Variants in COPS2 observed in about 807,000 individuals in gnomAD.
COPS2 encodes the protein COP9 signalosome complex subunit 2.
In COPS2, 10 loss-of-function variants were observed where a neutral mutation model predicts 66.1. That is an observed-to-expected ratio of 0.15 (90% CI 0.09 to 0.26). The LOEUF is 0.26. Among genes scored for constraint, COPS2 ranks in the 10% least tolerant of loss-of-function variants. The probability of loss-of-function intolerance (pLI) is 1.00; values close to 1 mark genes in which losing one functional copy is unlikely to be tolerated. For synonymous variants in COPS2, 179 were observed against 171.3 expected, an observed-to-expected ratio of 1.04 and a Z score of -0.35; for missense variants, 215 against 513.3, an observed-to-expected ratio of 0.42 and a Z score of 5.62.
In COPS2 at chr15:49,155,593, G is replaced by A. The variant is rs2084423944; in HGVS notation, c.-15C>T. 2 of 1,613,730 alleles carry A rather than the reference G, an allele frequency of 1.2e-6. No homozygotes were observed. The highest frequency in any genetic ancestry group is 1.3e-5 in the African/African-American group (1 of 75,046). ...ATGTCAGACATCTTGGCCGGGAGGG[G>A]GAGGAGAAATTGGAGACAACCTCCT... is the stretch of plus-strand genomic sequence containing the variant. On this transcript the variant is annotated 5_prime_UTR_variant, in exon 1 of 13. Transcript: ENST00000388901.
chr15:49,134,035 C>T lies in COPS2; in HGVS notation c.789G>A (p.Lys263=), dbSNP rs372907163. The T allele has an allele frequency of 1.6e-5, 26 of 1,613,718 alleles. No homozygotes were observed. The highest frequency in any genetic ancestry group is 2.7e-5 in the African/African-American group (2 of 74,908). ...KAHTDFFEAF[K]NYDESGSPRR... ...TTGGACTTCCAGATTCATCATAATT[C>T]TTGAAGGCTTCAAAAAAATCAGTGT... is the stretch of plus-strand genomic sequence containing the variant. Residue 263 remains lysine, a synonymous_variant, in exon 8 of 13, where the codon AAG becomes AAA. Transcript: ENST00000388901.
intron 3 of COPS2, among the ~76,000 whole-genome samples, chr15:49,141,618 C>T (rs865898059): frequency 2.6e-5 from 4 of 152,062 alleles, no homozygotes; most frequent in Non-Finnish European, 5.9e-5. Context: ...GTAAATTGGT[C>T]CCAGAGAAGT....
intron 1 of COPS2, among the ~76,000 whole-genome samples, chr15:49,148,121 TGAA>T (rs1326959463): frequency 6.6e-6 from 1 of 152,204 alleles, no homozygotes; most frequent in East Asian, 1.9e-4. Context: ...ACTCATGTTT[TGAA>T]GTCTTTGGAA....
chr15:49,154,250 G>T (rs2084389311), intron 1 of COPS2, among the ~76,000 whole-genome samples: 1 of 152,020 alleles, frequency 6.6e-6, no homozygotes, highest in African/African-American at 2.4e-5. Context: ...AGTAAAAATG[G>T]ACAGATACAT....
intron 1 of COPS2, among the ~76,000 whole-genome samples, chr15:49,153,871 G>A (rs1393172264): frequency 6.6e-6 from 1 of 152,128 alleles, no homozygotes; most frequent in Non-Finnish European, 1.5e-5. Context: ...ATGATAGGAA[G>A]GGTGTTGTGG....
Position 49,124,497 on chromosome 15 carries a change from A to C in COPS2, c.*3453T>G, listed in dbSNP as rs2084149530. ...AAAGAAAACCTCCAGAAAAAGAAAAAAAGAGGAAAATTTTAATTGTGGTCA... is the reference window on the plus strand; with the variant it reads ...AAAGAAAACCTCCAGAAAAAGAAAACAAGAGGAAAATTTTAATTGTGGTCA... On this transcript the variant is annotated 3_prime_UTR_variant, in exon 13 of 13. Coordinates refer to ENST00000388901, the MANE Select transcript of COPS2 (RefSeq NM_004236.4). 1 of 152,150 alleles carries C rather than the reference A, an allele frequency of 6.6e-6. No individual in the cohort carries two copies. Among genetic ancestry groups the C allele is most frequent in the Admixed American group, 6.5e-5 (1 of 15,274 alleles). 9.4% of individuals were successfully genotyped at this position (152,150 alleles called of 1,614,324 possible). A position where few individuals can be genotyped will look rare whatever the true frequency, so the allele number is the denominator to read the frequency against.
chr15:49,153,252 C>T (rs1165619571), intron 1 of COPS2, among the ~76,000 whole-genome samples: 1 of 151,766 alleles, frequency 6.6e-6, no homozygotes, highest in East Asian at 1.9e-4. Flanking sequence ...ACAGCAAAAT[C>T]CCATCTCTAA....
chr15:49,155,588 G>A lies in COPS2; in HGVS notation c.-10C>T, dbSNP rs576328029. ...CCTCCATGTCAGACATCTTGGCCGGGAGGGGGAGGAGAAATTGGAGACAAC... is the reference window on the plus strand; with the variant it reads ...CCTCCATGTCAGACATCTTGGCCGGAAGGGGGAGGAGAAATTGGAGACAAC... On this transcript the variant is annotated 5_prime_UTR_variant, in exon 1 of 13. Transcript: ENST00000388901. 1.2e-6 allele frequency: 2 copies of A among 1,613,954 alleles called. No individual in the cohort carries two copies. Among genetic ancestry groups the A allele is most frequent in the Non-Finnish European group, 8.5e-7 (1 of 1,179,850 alleles).
intron 3 of COPS2, among the ~76,000 whole-genome samples, chr15:49,142,914 A>G (rs1471722821): frequency 1.3e-5 from 2 of 151,592 alleles, no homozygotes; most frequent in Admixed American, 1.3e-4. Context: ...GGAGCTTACA[A>G]TTTACTTGGG....
Position 49,155,540 on chromosome 15 carries a change from C to T in COPS2, c.39G>A (p.Glu13=), listed in dbSNP as rs761285117. Residue 13 remains glutamate (E), a synonymous_variant, in exon 1 of 13, where the codon GAG becomes GAA. Transcript: ENST00000388901. The part of the protein sequence containing the change: ...DMEDDFMCDD[E]EDYDLEYSED... ...TGCGCCTCACCAGGTCGTAGTCCTCCTCATCATCGCACATGAAATCATCCT... is the reference window on the plus strand; with the variant it reads ...TGCGCCTCACCAGGTCGTAGTCCTCTTCATCATCGCACATGAAATCATCCT... 35 of 1,614,220 alleles carry T rather than the reference C, an allele frequency of 2.2e-5. No individual in the cohort carries two copies. The highest frequency in any genetic ancestry group is 2.8e-5 in the Non-Finnish European group (33 of 1,180,028).
At position 49,124,038 on chromosome 15, in the gene COPS2, C is replaced by T. The variant is rs2084144105; in HGVS notation, c.*3912G>A. ...ATAATCTCGAGTTAAAGAGAACCTC[C>T]AATTTGTCTTCGTTACGAAATTTCT... On this transcript the variant is annotated 3_prime_UTR_variant, in exon 13 of 13. Coordinates refer to ENST00000388901, the MANE Select transcript of COPS2 (RefSeq NM_004236.4). The T allele has an allele frequency of 6.6e-6, 1 of 152,182 alleles. No homozygotes were observed. Among genetic ancestry groups the T allele is most frequent in the African/African-American group, 2.4e-5 (1 of 41,440 alleles). 9.4% of individuals were successfully genotyped at this position (152,182 alleles called of 1,614,324 possible).
At chr15:49,148,404 C>A (rs568133163) in intron 1 of COPS2, among the ~76,000 whole-genome samples, 1 of 152,050 alleles carries the variant, frequency 6.6e-6, no homozygotes, top group East Asian at 1.9e-4. Flanking sequence ...AAAAAGATAC[C>A]CAAGTCAGGT....
intron 2 of COPS2, 25 bp downstream of exon 2, chr15:49,144,940 G>A: frequency 7.7e-7 from 1 of 1,303,454 alleles, no homozygotes; most frequent in Non-Finnish European, 1.1e-6. Flanking sequence ...TTAACACATA[G>A]AATCAAATGG....
Position 49,139,644 on chromosome 15 carries a change from G to T in COPS2, c.256C>A (p.Pro86Thr). 6.3e-7 allele frequency: 1 copy of T among 1,583,776 alleles called. No individual in the cohort carries two copies. The highest frequency in any genetic ancestry group is 8.6e-7 in the Non-Finnish European group (1 of 1,169,010). ...TGCTTATATCTATTCATCATTTCTG[G>T]AAAGTTTGTCTGTGAGAAAAGAAAA... ...IKINFKLTNF[P>T]EMMNRYKQLL... The change falls in exon 4 of 13, where the codon CCA becomes ACA. Residue 86 changes from proline to threonine, a missense_variant. This residue lies in a region of COPS2 where 90 missense variants were observed against 225.1 expected (regional missense o/e 0.40). Coordinates refer to ENST00000388901, the MANE Select transcript of COPS2 (RefSeq NM_004236.4).
chr15:49,133,409 G>A (rs550871921), intron 9 of COPS2, among the ~76,000 whole-genome samples: 49 of 152,292 alleles, frequency 3.2e-4, no homozygotes, highest in African/African-American at 7.7e-4. Flanking sequence ...GGACTAGTTC[G>A]TAATTTCATT....
Position 49,148,150 on chromosome 15 carries a change from TTAGGTG to T in COPS2, c.55-3078_55-3073del, listed in dbSNP as rs1595825927. 2.0e-5 allele frequency among the ~76,000 whole-genome samples: 3 copies of T among 152,306 alleles called. No homozygotes were observed. The East Asian group carries it at 5.8e-4, about 29-fold the overall frequency. On this transcript the variant is annotated intron_variant, in intron 1 of 12. Transcript: ENST00000388901. The stretch of plus-strand genomic sequence containing the variant: ...GTCTTTGGAAGAACAATTCTATTGT[TTAGGTG>T]CTTCTACTATTTATACTCAAAAATC...
chr15:49,153,456 T>C (rs1312462474), intron 1 of COPS2, among the ~76,000 whole-genome samples: 2 of 152,222 alleles, frequency 1.3e-5, no homozygotes, highest in Admixed American at 6.5e-5. Flanking sequence ...ACACTTTTGA[T>C]GGAGATGTAA....
chr15:49,136,968 G>A (rs1051043223), intron 6 of COPS2, among the ~76,000 whole-genome samples, 182 bp downstream of exon 6: 4 of 151,280 alleles, frequency 2.6e-5, no homozygotes, highest in African/African-American at 9.7e-5. Flanking sequence ...TCCAGCCTGG[G>A]TGACAGAGCC....
chr15:49,135,784 C>T (rs1226922877), intron 6 of COPS2, among the ~76,000 whole-genome samples: 1 of 152,192 alleles, frequency 6.6e-6, no homozygotes, highest in Non-Finnish European at 1.5e-5. Flanking sequence ...ACAATTTATA[C>T]ATCTAGAGTA....
Sources: gnomAD v4.1 joint callset for allele counts (sites outside exome capture counted in the v4.1 genomes callset) on GRCh38, gnomAD v4.1.1 for gene constraint, gnomAD v4.1.1 regional missense constraint, MANE v1.5 for transcripts, NCBI Gene and HGNC (gene_info 2026-07-23, HGNC 2026-07-21) for gene names.